FBLN1: variants seen among roughly 807,000 people sequenced by gnomAD.
FBLN1 encodes fibulin 1.
Under a neutral mutation model 89.7 loss-of-function variants are expected in FBLN1, and 34 were observed. The ratio of observed to expected loss-of-function variants is 0.38; its 90% confidence interval spans 0.29 to 0.50. The LOEUF (loss-of-function observed/expected upper bound fraction) is 0.50, where lower values mean the gene tolerates loss of function less well. Ranked by LOEUF, FBLN1 falls within the 20% of genes least tolerant of loss-of-function variation. The pLI, the probability that FBLN1 is intolerant of heterozygous loss-of-function variation, is 0.92. For synonymous variants in FBLN1, 393 were observed against 391.3 expected, an observed-to-expected ratio of 1.00 and a Z score of -0.05; for missense variants, 777 against 988.1, an observed-to-expected ratio of 0.79 and a Z score of 2.86.
At chr22:45,503,702 A>C (rs544682844) in intron 1 of FBLN1, among the ~76,000 whole-genome samples, 1 of 152,212 alleles carries the variant, frequency 6.6e-6, no homozygotes, top group South Asian at 2.1e-4. Context: ...CCCTCCCGGG[A>C]CAGAGGGCCC....
At chr22:45,529,286 A>T (rs714028) in intron 4 of FBLN1, among the ~76,000 whole-genome samples, 13,197 of 152,264 alleles carry the variant, frequency 0.087, 622 homozygotes, top group South Asian at 0.17. Context: ...AATCATAGAC[A>T]CTTACTCAGC....
intron 14 of FBLN1, among the ~76,000 whole-genome samples, chr22:45,573,710 G>T (rs368429377): frequency 3.0e-4 from 37 of 122,854 alleles, no homozygotes; most frequent in Non-Finnish European, 3.9e-4. Flanking sequence ...AACCCAAGTA[G>T]AGCACTGCCG....
chr22:45,569,853 G>A (rs568741116), intron 14 of FBLN1, among the ~76,000 whole-genome samples: 12 of 152,106 alleles, frequency 7.9e-5, no homozygotes, highest in Admixed American at 6.5e-4. Context: ...TCTTGGTTAG[G>A]CCACCCAGTC....
intron 3 of FBLN1, 97 bp from the exon 4 acceptor site, chr22:45,527,750 G>A (rs1012264202): frequency 2.4e-6 from 3 of 1,273,778 alleles, no homozygotes; most frequent in Non-Finnish European, 3.4e-6. Context: ...AGGTTGTGTG[G>A]ACAGGGGGCT....
chr22:45,583,452 T>C lies in FBLN1; in HGVS notation c.1972+6344T>C, dbSNP rs2089059037. 6.6e-6 allele frequency among the ~76,000 whole-genome samples: 1 copy of C among 152,178 alleles called. No homozygotes were observed. The highest frequency in any genetic ancestry group is 1.5e-5 in the Non-Finnish European group (1 of 68,038). On this transcript the variant is annotated intron_variant, in intron 16 of 16. Coordinates refer to ENST00000327858, the MANE Select transcript of FBLN1 (RefSeq NM_006486.3). The surrounding 1 kb of genome is among the most constrained non-coding windows in gnomAD (Gnocchi z 4.5). Reference sequence around the variant, plus strand: ...AAACGCCCTAATTGGAGACTCTGCATCTCATTAATGGAATCAGATGAAACG... The same window carrying C: ...AAACGCCCTAATTGGAGACTCTGCACCTCATTAATGGAATCAGATGAAACG...
chr22:45,538,537 A>G (rs796279373), intron 8 of FBLN1, among the ~76,000 whole-genome samples: 8 of 152,276 alleles, frequency 5.3e-5, no homozygotes, highest in African/African-American at 1.9e-4. Context: ...AAATCATTTC[A>G]TGTCAGCACC....
In FBLN1 at chr22:45,584,300, C is replaced by T. The variant is rs528570626; in HGVS notation, c.1972+7192C>T. ...TCTGAGTTTTGCCAGTGTGTCAACG[C>T]GCTCCTGCAGCACTCTCACCCCCAC... On this transcript the variant is annotated intron_variant, in intron 16 of 16. Coordinates refer to ENST00000327858, the MANE Select transcript of FBLN1 (RefSeq NM_006486.3). 3.9e-5 allele frequency among the ~76,000 whole-genome samples: 6 copies of T among 152,280 alleles called. No homozygotes were observed. In the South Asian group the frequency reaches 6.2e-4, roughly 16 times the overall value.
At position 45,531,632 on chromosome 22, in the gene FBLN1, C is replaced by T. The variant is rs531714516; in HGVS notation, c.544+308C>T. Among the ~76,000 whole-genome samples, 4 of 152,364 alleles carry T rather than the reference C, an allele frequency of 2.6e-5. No homozygotes were observed. The highest frequency in any genetic ancestry group is 9.6e-5 in the African/African-American group (4 of 41,586). ...GTTTACCCTGCAAAGTACCCTTTGGCTGGGAGCCAGCCATGAGCCACTTCC... is the reference window on the plus strand; with the variant it reads ...GTTTACCCTGCAAAGTACCCTTTGGTTGGGAGCCAGCCATGAGCCACTTCC... On this transcript the variant is annotated intron_variant, in intron 5 of 16. Transcript: ENST00000327858. The surrounding 1 kb of genome is among the most constrained non-coding windows in gnomAD (Gnocchi z 4.9).
In FBLN1 at chr22:45,525,570, C is replaced by A; in HGVS notation, c.213C>A (p.Ser71Arg). Reference sequence around the variant, plus strand: ...TGGTGCAGGAGCAGTGCTGCCACAGCCAGCTGGAGGAGCTGCACTGTGCCA... The same window carrying A: ...TGGTGCAGGAGCAGTGCTGCCACAGACAGCTGGAGGAGCTGCACTGTGCCA... The part of the protein sequence containing the change: ...CRMVQEQCCH[S>R]QLEELHCATG... The change falls in exon 3 of 17, where the codon AGC becomes AGA. Residue 71 changes from serine (S) to arginine (R), a missense_variant. Transcript: ENST00000327858. The A allele has an allele frequency of 1.3e-6, 2 of 1,549,836 alleles. No homozygotes were observed. Among genetic ancestry groups the A allele is most frequent in the Non-Finnish European group, 1.7e-6 (2 of 1,146,830 alleles).
chr22:45,600,042 C>T (rs567626094), intron 16 of FBLN1, among the ~76,000 whole-genome samples: 1 of 152,350 alleles, frequency 6.6e-6, no homozygotes, highest in South Asian at 2.1e-4. Flanking sequence ...CAACTTTCCT[C>T]CAGGTTGGGC....
At position 45,577,025 on chromosome 22, in the gene FBLN1, C is replaced by G; in HGVS notation, c.1889C>G (p.Ala630Gly). Residue 630 changes from alanine (A) to glycine (G), a missense_variant, in exon 16 of 17, where the codon GCT becomes GGT. Ala to Gly is a moderately conservative substitution (Grantham distance 60). Coordinates refer to ENST00000327858, the MANE Select transcript of FBLN1 (RefSeq NM_006486.3). The surrounding 1 kb of genome is among the most constrained non-coding windows in gnomAD (Gnocchi z 6.6). ...AITPPHPASQ[A>G]NIIFDITEGN... ...ACGCCACCGCATCCTGCCAGCCAGG[C>G]TAACATCATCTTCGACATCACGGAA... 6.2e-7 allele frequency: 1 copy of G among 1,614,156 alleles called. No individual in the cohort carries two copies. The highest frequency in any genetic ancestry group is 8.5e-7 in the Non-Finnish European group (1 of 1,180,026).
rs200905361 is a variant in FBLN1, at chr22:45,599,758, A to C, written c.1973-549A>C. Among the ~76,000 whole-genome samples the C allele has an allele frequency of 5.3e-5, 8 of 152,202 alleles. No individual in the cohort carries two copies. In the East Asian group the frequency reaches 1.5e-3, roughly 29 times the overall value. On this transcript the variant is annotated intron_variant, in intron 16 of 16. Transcript: ENST00000327858. ...CATGGAGAAACCCCGTCTCTACTAA[A>C]AATATAAAATGAGCCAGGCATGGTG...
chr22:45,548,836 C>T, intron 13 of FBLN1, 92 bp downstream of exon 13: 1 of 1,571,042 alleles, frequency 6.4e-7, no homozygotes, highest in Non-Finnish European at 8.6e-7. Flanking sequence ...GCTGTGCTTC[C>T]CCAACCCAAG....
At chr22:45,589,886 A>C (rs994992730) in intron 16 of FBLN1, among the ~76,000 whole-genome samples, 3 of 152,116 alleles carry the variant, frequency 2.0e-5, no homozygotes, top group African/African-American at 7.2e-5. Flanking sequence ...CGTTCTTCAA[A>C]GTCAGTTCAA....
At chr22:45,589,272 A>T (rs1400794380) in intron 16 of FBLN1, among the ~76,000 whole-genome samples, 1 of 152,100 alleles carries the variant, frequency 6.6e-6, no homozygotes, top group Non-Finnish European at 1.5e-5. Context: ...TGCACACATC[A>T]TGCTGGGACT....
At position 45,590,232 on chromosome 22, in the gene FBLN1, C is replaced by G. The variant is rs570432741; in HGVS notation, c.1973-10075C>G. Reference sequence around the variant, plus strand: ...CCGCCAGGCCAGCCTCTCTTCCCCCCCATCCCTCCAGACCTTCATTGCATC... The same window carrying G: ...CCGCCAGGCCAGCCTCTCTTCCCCCGCATCCCTCCAGACCTTCATTGCATC... On this transcript the variant is annotated intron_variant, in intron 16 of 16. Transcript: ENST00000327858. This position sits in a 1 kb window ranked among gnomAD's most constrained non-coding sequence, Gnocchi z 4.1. Among the ~76,000 whole-genome samples, 2 of 152,262 alleles carry G rather than the reference C, an allele frequency of 1.3e-5. No individual in the cohort carries two copies. Among genetic ancestry groups the G allele is most frequent in the African/African-American group, 4.8e-5 (2 of 41,462 alleles).
chr22:45,514,240 G>A (rs1251275727), intron 1 of FBLN1, among the ~76,000 whole-genome samples: 3 of 152,152 alleles, frequency 2.0e-5, no homozygotes, highest in African/African-American at 4.8e-5. Flanking sequence ...TAAAGAGGTC[G>A]GTGCCCTTGT....
Position 45,581,309 on chromosome 22 carries a change from C to G in FBLN1, c.1972+4201C>G, listed in dbSNP as rs191950182. Among the ~76,000 whole-genome samples the G allele has an allele frequency of 2.0e-5, 3 of 152,252 alleles. No individual in the cohort carries two copies. Among genetic ancestry groups the G allele is most frequent in the Non-Finnish European group, 2.9e-5 (2 of 68,022 alleles). On this transcript the variant is annotated intron_variant, in intron 16 of 16. Coordinates refer to ENST00000327858, the MANE Select transcript of FBLN1 (RefSeq NM_006486.3). The surrounding 1 kb of genome is among the most constrained non-coding windows in gnomAD (Gnocchi z 7.6). ...CAGATCACCACTTCCTTTTAACTCT[C>G]AGGCCAGCCACATCTGTGTCTGTCT...
chr22:45,539,100 TCCCTTCTCCTCTTC>T (rs1293701893), intron 8 of FBLN1, among the ~76,000 whole-genome samples: 1 of 36,122 alleles, frequency 2.8e-5, no homozygotes, highest in East Asian at 1.1e-3. Flanking sequence ...ATCCTCCCCC[TCCCTTCTCCTCTTC>T]CCCTCCCCCT....
Sources: gnomAD v4.1 joint callset for allele counts (sites outside exome capture counted in the v4.1 genomes callset) on GRCh38, gnomAD v4.1.1 for gene constraint, Gnocchi (gnomAD v3.1) non-coding constraint, MANE v1.5 for transcripts, NCBI Gene and HGNC (gene_info 2026-07-23, HGNC 2026-07-21) for gene names.